FMO2: variants seen among roughly 807,000 people sequenced by gnomAD.
The protein encoded by FMO2 is flavin-containing monooxygenase 2.
FMO2 carries 33 observed loss-of-function variants against 41.6 expected under a neutral mutation model. That is an observed-to-expected ratio of 0.79 (90% CI 0.60 to 1.06). The LOEUF (loss-of-function observed/expected upper bound fraction) is 1.06. FMO2 is among the 50% of genes least tolerant of loss of function. The pLI is 0.00. For synonymous variants in FMO2, 214 were observed against 219.6 expected (o/e 0.97, Z 0.23); for missense variants, 619 against 632.9 (o/e 0.98, Z 0.23).
Position 171,209,095 on chromosome 1 carries a change from G to T in FMO2, c.1558G>T (p.Gly520Cys). 1.1e-6 allele frequency: 1 copy of T among 898,626 alleles called. No homozygotes were observed. The highest frequency in any genetic ancestry group is 2.5e-5 in the East Asian group (1 of 39,330). The allele number at this position is 898,626 out of a possible 1,614,324, so 55.7% of individuals were successfully genotyped here. A position where few individuals can be genotyped will look rare whatever the true frequency, so the allele number is the denominator to read the frequency against. Residue 520 changes from glycine to cysteine, a missense_variant, in exon 9 of 9, where the codon GGC (glycine) becomes TGC (cysteine). Physicochemically the swap from Gly to Cys is radical, Grantham distance 159 (BLOSUM62 -3). Transcript: ENST00000209929. ...FSVSFLLKILGLLAVVVAFFC... is the reference protein window; with the variant it reads ...FSVSFLLKILCLLAVVVAFFC... Reference sequence around the variant, plus strand: ...AGTTTCTTTTCTGTTGAAAATCCTGGGCCTTCTTGCTGTTGTTGTGGCCTT... The same window carrying T: ...AGTTTCTTTTCTGTTGAAAATCCTGTGCCTTCTTGCTGTTGTTGTGGCCTT...
chr1:171,209,041 C>T lies in FMO2; in HGVS notation c.1504C>T (p.Arg502Trp), dbSNP rs1179330853. Residue 502 changes from arginine (R) to tryptophan (W), a missense_variant, in exon 9 of 9, where the codon CGG (arginine) becomes TGG (tryptophan). Arg to Trp is a moderately radical substitution (Grantham distance 101, BLOSUM62 -3). Coordinates refer to ENST00000209929, the MANE Select transcript of FMO2 (RefSeq NM_001460.5). ...AAGAATACTGAAGCCACTCAAGACT[C>T]GGGCCCTGAAGGATTCATCTAATTT... ...KQRILKPLKT[R>W]ALKDSSNFSV... 1.3e-5 allele frequency: 17 copies of T among 1,273,670 alleles called. No homozygotes were observed. In the Admixed American group the frequency reaches 2.1e-4, roughly 16 times the overall value. 78.9% of individuals were successfully genotyped at this position (1,273,670 alleles called of 1,614,324 possible). A position where few individuals can be genotyped will look rare whatever the true frequency, so the allele number is the denominator to read the frequency against.
At chr1:171,192,037 A>AAAT (rs990854692) in intron 2 of FMO2, among the ~76,000 whole-genome samples, 7 of 151,984 alleles carry the variant, frequency 4.6e-5, no homozygotes, top group Non-Finnish European at 1.0e-4. Context: ...CCTGTCTCAA[A>AAAT]AATAATAATA....
rs28369889 is a variant in FMO2, at chr1:171,202,632, A to G, written c.628-1233A>G. On this transcript the variant is annotated intron_variant, in intron 5 of 8. Coordinates refer to ENST00000209929, the MANE Select transcript of FMO2 (RefSeq NM_001460.5). ...TGAGGTAGGTACTGTTAATACCCCCATTTTACAGAGAGAGAAACTGAGGCA... is the reference window on the plus strand; with the variant it reads ...TGAGGTAGGTACTGTTAATACCCCCGTTTTACAGAGAGAGAAACTGAGGCA... Among the ~76,000 whole-genome samples the G allele has an allele frequency of 4.8e-3, 736 of 152,338 alleles. 4 individuals are homozygous for G. Among genetic ancestry groups the G allele is most frequent in the Admixed American group, 8.4e-3 (128 of 15,304 alleles).
chr1:171,187,884 C>T (rs747567284), intron 2 of FMO2, among the ~76,000 whole-genome samples: 23 of 152,122 alleles, frequency 1.5e-4, no homozygotes, highest in Non-Finnish European at 3.2e-4. Context: ...AGGAAAACAG[C>T]TTAAATCACA....
intron 5 of FMO2, among the ~76,000 whole-genome samples, chr1:171,199,870 C>T (rs1658464063): frequency 6.6e-6 from 1 of 152,106 alleles, no homozygotes; most frequent in Admixed American, 6.6e-5. Context: ...ACATGCCACA[C>T]CACACTCAGC....
intron 4 of FMO2, 47 bp from the exon 5 acceptor site, chr1:171,199,299 C>T (rs1658431965): frequency 1.3e-6 from 2 of 1,491,254 alleles, no homozygotes; most frequent in Non-Finnish European, 1.8e-6. Flanking sequence ...ATTAGCTTGA[C>T]ATAGTTGCTC....
chr1:171,193,482 T>C lies in FMO2; in HGVS notation c.280T>C (p.Phe94Leu), dbSNP rs1360875148. Residue 94 changes from phenylalanine (F) to leucine (L), a missense_variant, in exon 3 of 9, where the codon TTT becomes CTT. Coordinates refer to ENST00000209929, the MANE Select transcript of FMO2 (RefSeq NM_001460.5). ...TAAACTTCTGGAATATTTCAGGATT[T>C]TTGCTAAAAAATTTGATCTGCTAAA... The part of the protein sequence containing the change: ...NSKLLEYFRI[F>L]AKKFDLLKYI... 6.2e-7 allele frequency: 1 copy of C among 1,611,796 alleles called. No homozygotes were observed. Among genetic ancestry groups the C allele is most frequent in the Non-Finnish European group, 8.5e-7 (1 of 1,178,750 alleles).
At position 171,185,787 on chromosome 1, in the gene FMO2, G is replaced by T; in HGVS notation, c.74G>T (p.Gly25Val). ...TCTCTGAAGTGCTGTGTGGATGAGG[G>T]ACTTGAGCCCACTTGCTTTGAGAGA... ...LISLKCCVDEGLEPTCFERTE... is the reference protein window; with the variant it reads ...LISLKCCVDEVLEPTCFERTE... The change falls in exon 2 of 9, where the codon GGA becomes GTA. Residue 25 changes from glycine (G) to valine (V), a missense_variant. Coordinates refer to ENST00000209929, the MANE Select transcript of FMO2 (RefSeq NM_001460.5). 1 of 1,613,910 alleles carries T rather than the reference G, an allele frequency of 6.2e-7. No individual in the cohort carries two copies. The highest frequency in any genetic ancestry group is 1.1e-5 in the South Asian group (1 of 91,064).
chr1:171,207,648 GAATC>G lies in FMO2; in HGVS notation c.1184-67_1184-64del. ...TTCAATGTCCAGAGTTTAATTTTAAGAATCAACAACTAGACAAAGTAATGATATT... is the reference window on the plus strand; with the variant it reads ...TTCAATGTCCAGAGTTTAATTTTAAGAACAACTAGACAAAGTAATGATATT... On this transcript the variant is annotated intron_variant, in intron 7 of 8. Coordinates refer to ENST00000209929, the MANE Select transcript of FMO2 (RefSeq NM_001460.5). The G allele has an allele frequency of 2.8e-6, 3 of 1,065,254 alleles. No homozygotes were observed. The South Asian group carries it at 4.1e-5, about 14-fold the overall frequency. The allele number at this position is 1,065,254 out of a possible 1,614,324, so 66.0% of individuals were successfully genotyped here. A position where few individuals can be genotyped will look rare whatever the true frequency, so the allele number is the denominator to read the frequency against.
At position 171,207,758 on chromosome 1, in the gene FMO2, C is replaced by A; in HGVS notation, c.1224C>A (p.Asp408Glu). 1 of 1,609,472 alleles carries A rather than the reference C, an allele frequency of 6.2e-7. No individual in the cohort carries two copies. Among genetic ancestry groups the A allele is most frequent in the Non-Finnish European group, 8.5e-7 (1 of 1,176,470 alleles). ...SLPSERTMMMDIIKRNEKRID... is the reference protein window; with the variant it reads ...SLPSERTMMMEIIKRNEKRID... ...CCTCAGAGAGAACTATGATGATGGA[C>A]ATTATCAAAAGGAATGAAAAAAGAA... is the stretch of plus-strand genomic sequence containing the variant. Residue 408 changes from aspartate to glutamate, a missense_variant, in exon 8 of 9, where the codon GAC becomes GAA. Physicochemically the swap from Asp to Glu is conservative, Grantham distance 45. Coordinates refer to ENST00000209929, the MANE Select transcript of FMO2 (RefSeq NM_001460.5).
intron 2 of FMO2, among the ~76,000 whole-genome samples, chr1:171,190,051 G>A (rs949199278): frequency 6.6e-6 from 1 of 152,074 alleles, no homozygotes; most frequent in Non-Finnish European, 1.5e-5. Context: ...ATTGGTAAGG[G>A]TCAATATAAT....
chr1:171,205,452 C>T lies in FMO2; in HGVS notation c.1001C>T (p.Ser334Phe). 6.2e-7 allele frequency: 1 copy of T among 1,613,884 alleles called. No homozygotes were observed. Among genetic ancestry groups the T allele is most frequent in the Non-Finnish European group, 8.5e-7 (1 of 1,179,890 alleles). Residue 334 changes from serine to phenylalanine, a missense_variant, in exon 7 of 9, where the codon TCT (serine) becomes TTT (phenylalanine). Ser to Phe is a radical substitution (Grantham distance 155). Coordinates refer to ENST00000209929, the MANE Select transcript of FMO2 (RefSeq NM_001460.5). ...VIIFATGYSF[S>F]FPFLEDSLVK... ...ATTTTTGCAACAGGATATAGTTTCTCTTTTCCCTTCCTTGAAGATTCACTC... is the reference window on the plus strand; with the variant it reads ...ATTTTTGCAACAGGATATAGTTTCTTTTTTCCCTTCCTTGAAGATTCACTC...
At chr1:171,185,951 G>A (rs1657830754) in intron 2 of FMO2, 106 bp downstream of exon 2, 1 of 1,203,912 alleles carries the variant, frequency 8.3e-7, no homozygotes, top group South Asian at 1.5e-5. Flanking sequence ...ACTCTGATCA[G>A]ATTTTATTTC....
At chr1:171,208,708 T>G in intron 8 of FMO2, 86 bp from the exon 9 acceptor site, 1 of 1,264,894 alleles carries the variant, frequency 7.9e-7, no homozygotes, top group Non-Finnish European at 1.1e-6. Context: ...ACTCATTCCT[T>G]CATTCCTTTA....
intron 2 of FMO2, among the ~76,000 whole-genome samples, chr1:171,189,369 C>T (rs1316288378): frequency 7.7e-6 from 1 of 129,922 alleles, no homozygotes; most frequent in Non-Finnish European, 1.6e-5. Context: ...ATCACTTTCT[C>T]TCTTAAATTT....
At chr1:171,203,360 A>AC (rs1557982319) in intron 5 of FMO2, among the ~76,000 whole-genome samples, 1 of 132,482 alleles carries the variant, frequency 7.5e-6, no homozygotes, top group East Asian at 2.2e-4. Flanking sequence ...CACACACACA[A>AC]AATAAAGTCT....
chr1:171,192,521 G>A (rs902261597), intron 2 of FMO2, among the ~76,000 whole-genome samples: 20 of 152,078 alleles, frequency 1.3e-4, no homozygotes, highest in Non-Finnish European at 2.4e-4. Context: ...CAGCACTTTG[G>A]GAGGCTGAGG....
rs773011334 is a variant in FMO2, at chr1:171,196,803, C to A, written c.476C>A (p.Ser159Ter). 9 of 1,612,788 alleles carry A rather than the reference C, an allele frequency of 5.6e-6. No homozygotes were observed. In the South Asian group the frequency reaches 9.9e-5, roughly 18 times the overall value. ...HHILPHIPLK[S>*]FPGMERFKGQ... ...ATTCTACCTCATATCCCACTGAAGT[C>A]ATTTCCAGGTGAGACCCGCTGGGAT... The change falls in exon 4 of 9, where the codon TCA (serine) becomes TAA (stop). Residue 159 changes from serine to a stop codon, truncating the protein, a stop_gained. Transcript: ENST00000209929. LOFTEE classifies it high-confidence loss of function.
Position 171,211,287 on chromosome 1 carries a change from G to A in FMO2, c.*2142G>A, listed in dbSNP as rs1658970403. On this transcript the variant is annotated 3_prime_UTR_variant, in exon 9 of 9. Coordinates refer to ENST00000209929, the MANE Select transcript of FMO2 (RefSeq NM_001460.5). ...GTTGCTTTCAAGCTACAATTGTAGA[G>A]TTGGGTAGTCGCAACAGAATCTCTG... The A allele has an allele frequency of 6.6e-6, 1 of 152,140 alleles. No individual in the cohort carries two copies. Among genetic ancestry groups the A allele is most frequent in the South Asian group, 2.1e-4 (1 of 4,828 alleles). The allele number at this position is 152,140 out of a possible 1,614,324, so 9.4% of individuals were successfully genotyped here.
Sources: gnomAD v4.1 joint callset for allele counts (sites outside exome capture counted in the v4.1 genomes callset) on GRCh38, gnomAD v4.1.1 for gene constraint, MANE v1.5 for transcripts, NCBI Gene and HGNC (gene_info 2026-07-23, HGNC 2026-07-21) for gene names.